Variants in PHACTR1 observed in about 807,000 individuals in gnomAD.
PHACTR1 encodes the protein phosphatase and actin regulator 1.
In PHACTR1, 16 loss-of-function variants were observed where a neutral mutation model predicts 69.2. The observed-to-expected ratio is 0.23, with a 90% confidence interval of 0.16 to 0.35. The LOEUF (loss-of-function observed/expected upper bound fraction) is 0.35. Ranked by LOEUF, PHACTR1 falls within the 10% of genes least tolerant of loss-of-function variation. The pLI, the probability that PHACTR1 is intolerant of heterozygous loss-of-function variation, is 1.00. For missense variants in PHACTR1, 510 were observed against 734.7 expected, an observed-to-expected ratio of 0.69 and a Z score of 3.54; for synonymous variants, 312 against 284.5, an observed-to-expected ratio of 1.10 and a Z score of -0.97.
intron 4 of PHACTR1, among the ~76,000 whole-genome samples, chr6:13,002,449 G>A (rs1184109384): frequency 6.6e-6 from 1 of 152,048 alleles, no homozygotes; most frequent in Non-Finnish European, 1.5e-5. Flanking sequence ...AAAAATTTTA[G>A]GAGAAAGCAT....
rs1761963905 is a variant in PHACTR1 at position 13,179,840 on chromosome 6, G to A, written c.497-2679G>A. Reference sequence around the variant, plus strand: ...ACATTTCTTCTAATTGTGTAAATTGGAAAATCCTTTAATAAAACAATTTCA... The same window carrying A: ...ACATTTCTTCTAATTGTGTAAATTGAAAAATCCTTTAATAAAACAATTTCA... On this transcript the variant is annotated intron_variant, in intron 6 of 14. Transcript: ENST00000332995. This position sits in a 1 kb window ranked among gnomAD's most constrained non-coding sequence, Gnocchi z 4.2. Among the ~76,000 whole-genome samples, 2 of 152,122 alleles carry A rather than the reference G, an allele frequency of 1.3e-5. No homozygotes were observed. Among genetic ancestry groups the A allele is most frequent in the African/African-American group, 4.8e-5 (2 of 41,424 alleles).
chr6:13,222,044 A>AG (rs1357941396), intron 8 of PHACTR1, among the ~76,000 whole-genome samples: 2 of 152,216 alleles, frequency 1.3e-5, no homozygotes, highest in East Asian at 3.9e-4. Flanking sequence ...CAAAAAAAAA[A>AG]AAAGAATGAA....
intron 3 of PHACTR1, among the ~76,000 whole-genome samples, chr6:12,745,111 A>G (rs1367527357): frequency 6.6e-6 from 1 of 152,188 alleles, no homozygotes; most frequent in Non-Finnish European, 1.5e-5. Flanking sequence ...TATTTTGAGT[A>G]ATATTTTTAA....
intron 4 of PHACTR1, among the ~76,000 whole-genome samples, chr6:12,950,727 C>T (rs190511432): frequency 5.9e-5 from 9 of 152,210 alleles, no homozygotes; most frequent in East Asian, 1.9e-4. Context: ...TGCCCTAGGC[C>T]CCTGACAGGT....
rs531000146 is a variant in PHACTR1, at chr6:12,908,523, T to A, written c.251-144842T>A. Among the ~76,000 whole-genome samples the A allele has an allele frequency of 7.5e-5, 11 of 147,574 alleles. 1 individual carries two copies. In the East Asian group the frequency reaches 2.2e-3, roughly 29 times the overall value. The stretch of plus-strand genomic sequence containing the variant: ...GCAGAGATTTAAAAAAAAAAAAGGG[T>A]GCTGTGCAAATATGATGGAGGAGAC... On this transcript the variant is annotated intron_variant, in intron 4 of 14. Transcript: ENST00000332995.
At chr6:13,170,934 C>T (rs1760515669) in intron 6 of PHACTR1, among the ~76,000 whole-genome samples, 1 of 152,152 alleles carries the variant, frequency 6.6e-6, no homozygotes. Context: ...GGAATCATTC[C>T]ATCCTCCCAT....
chr6:13,124,120 A>G (rs1328599471), intron 5 of PHACTR1, among the ~76,000 whole-genome samples: 2 of 152,310 alleles, frequency 1.3e-5, no homozygotes, highest in South Asian at 4.1e-4. Context: ...TATGAACTGC[A>G]GAGAGCGAGG....
chr6:13,164,306 T>G (rs1329569751), intron 6 of PHACTR1, among the ~76,000 whole-genome samples: 1 of 152,216 alleles, frequency 6.6e-6, no homozygotes, highest in African/African-American at 2.4e-5. Context: ...AGACTTTCTT[T>G]TTTTAAGTTG....
intron 7 of PHACTR1, among the ~76,000 whole-genome samples, chr6:13,201,731 A>G (rs10484269): frequency 0.085 from 12,863 of 152,216 alleles, 1,225 homozygotes; most frequent in East Asian, 0.54. Flanking sequence ...AGCTGGTTCC[A>G]AATCGTGCCT....
intron 4 of PHACTR1, among the ~76,000 whole-genome samples, chr6:12,796,929 C>G (rs370532143): frequency 6.6e-6 from 1 of 151,936 alleles, no homozygotes; most frequent in East Asian, 1.9e-4. Flanking sequence ...AATGTGCTAA[C>G]AAACTTGCTC....
At chr6:12,977,586 G>A (rs1795049238) in intron 4 of PHACTR1, among the ~76,000 whole-genome samples, 1 of 152,200 alleles carries the variant, frequency 6.6e-6, no homozygotes, top group Non-Finnish European at 1.5e-5. Flanking sequence ...AGGTCTGCAA[G>A]GATTTGTGTG....
At chr6:12,761,644 G>A (rs941424177) in intron 4 of PHACTR1, among the ~76,000 whole-genome samples, 5 of 152,162 alleles carry the variant, frequency 3.3e-5, no homozygotes, top group Non-Finnish European at 5.9e-5. Flanking sequence ...GATTTGCCAC[G>A]TAGGCTGCTA....
At chr6:13,070,383 G>A (rs1167314412) in intron 5 of PHACTR1, among the ~76,000 whole-genome samples, 1 of 152,194 alleles carries the variant, frequency 6.6e-6, no homozygotes, top group Non-Finnish European at 1.5e-5. Context: ...TGACAAGTGT[G>A]AACTAGCTGC....
chr6:12,999,322 G>A (rs1016231706), intron 4 of PHACTR1, among the ~76,000 whole-genome samples: 12 of 152,276 alleles, frequency 7.9e-5, no homozygotes, highest in South Asian at 2.1e-4. Flanking sequence ...CGTTGAGGCC[G>A]GGCATGGTGG....
chr6:12,988,811 G>A (rs1433591115), intron 4 of PHACTR1, among the ~76,000 whole-genome samples: 1 of 152,236 alleles, frequency 6.6e-6, no homozygotes, highest in Non-Finnish European at 1.5e-5. Context: ...GCCTCCTGCT[G>A]TAAAATGGTG....
intron 4 of PHACTR1, among the ~76,000 whole-genome samples, chr6:12,792,320 C>T (rs949036967): frequency 3.3e-5 from 5 of 151,484 alleles, no homozygotes; most frequent in East Asian, 1.9e-4. Flanking sequence ...CAAAATTAGC[C>T]GGGCGTGGTG....
At chr6:13,111,927 G>A (rs1253543820) in intron 5 of PHACTR1, among the ~76,000 whole-genome samples, 2 of 151,922 alleles carry the variant, frequency 1.3e-5, no homozygotes, top group African/African-American at 4.8e-5. Context: ...TTGTTATATA[G>A]GTAAACTTGT....
At chr6:13,036,677 C>A (rs1212982843) in intron 4 of PHACTR1, among the ~76,000 whole-genome samples, 1 of 152,202 alleles carries the variant, frequency 6.6e-6, no homozygotes, top group Non-Finnish European at 1.5e-5. Context: ...TCTAATCTTA[C>A]CCTGTCATGC....
chr6:12,777,623 TTC>T (rs1770243383), intron 4 of PHACTR1, among the ~76,000 whole-genome samples: 1 of 97,072 alleles, frequency 1.0e-5, no homozygotes, highest in Non-Finnish European at 2.0e-5. Context: ...CCCTTTCTTC[TTC>T]TTTTTTTTTT....
Sources: gnomAD v4.1 joint callset for allele counts (sites outside exome capture counted in the v4.1 genomes callset) on GRCh38, gnomAD v4.1.1 for gene constraint, Gnocchi (gnomAD v3.1) non-coding constraint, MANE v1.5 for transcripts, NCBI Gene and HGNC (gene_info 2026-07-23, HGNC 2026-07-21) for gene names.